Variants in HIRA observed in about 807,000 individuals in gnomAD.
HIRA encodes protein HIRA.
A neutral mutation model predicts 126.6 loss-of-function variants in HIRA; 13 were observed. The observed-to-expected ratio is 0.10, with a 90% CI of 0.07 to 0.16. HIRA has a LOEUF of 0.16. HIRA is among the 10% of genes least tolerant of loss of function. The pLI, the probability that HIRA is intolerant of heterozygous loss-of-function variation, is 1.00. For missense variants in HIRA, 834 were observed against 1,314.4 expected, an observed-to-expected ratio of 0.63 and a Z score of 5.65; for synonymous variants, 511 against 520.0, an observed-to-expected ratio of 0.98 and a Z score of 0.24.
At chr22:19,399,553 C>T (rs980094530) in intron 5 of HIRA, among the ~76,000 whole-genome samples, 4 of 152,122 alleles carry the variant, frequency 2.6e-5, no homozygotes, top group Non-Finnish European at 4.4e-5. Context: ...ATTTGTCACT[C>T]TCCATACTCC....
At chr22:19,344,597 C>A (rs1556008387) in intron 24 of HIRA, among the ~76,000 whole-genome samples, 1 of 152,144 alleles carries the variant, frequency 6.6e-6, no homozygotes, top group African/African-American at 2.4e-5. Flanking sequence ...AACACCAATC[C>A]TCCTTCCAAA....
intron 15 of HIRA, among the ~76,000 whole-genome samples, chr22:19,370,727 G>T (rs971941067): frequency 5.9e-5 from 9 of 152,160 alleles, no homozygotes; most frequent in Admixed American, 5.9e-4. Context: ...TCAGCACCAG[G>T]CTCCTAGAAG....
intron 11 of HIRA, 129 bp from the exon 12 acceptor site, chr22:19,385,865 C>T (rs372877852): frequency 1.3e-6 from 1 of 745,770 alleles, no homozygotes. Flanking sequence ...GCCAACTCCC[C>T]ATCGCCTCCC....
chr22:19,336,409 T>C (rs2088567780), intron 24 of HIRA, among the ~76,000 whole-genome samples: 1 of 152,172 alleles, frequency 6.6e-6, no homozygotes, highest in African/African-American at 2.4e-5. Context: ...AAAAGTGCCA[T>C]CTCCTGGCTG....
At chr22:19,419,890 CATCTGCTGCTGTT>C (rs1233010235) in intron 1 of HIRA, among the ~76,000 whole-genome samples, 2 of 152,212 alleles carry the variant, frequency 1.3e-5, no homozygotes, top group African/African-American at 4.8e-5. Flanking sequence ...GGTTCACAGC[CATCTGCTGCTGTT>C]ATCTCTACCA....
chr22:19,411,650 T>G (rs921211638), intron 1 of HIRA, among the ~76,000 whole-genome samples: 1 of 152,246 alleles, frequency 6.6e-6, no homozygotes, highest in African/African-American at 2.4e-5. Context: ...TATTTGTTCA[T>G]TGACAAAGGA....
intron 20 of HIRA, 103 bp downstream of exon 20, chr22:19,356,127 T>A: frequency 1.8e-6 from 2 of 1,123,988 alleles, no homozygotes; most frequent in Non-Finnish European, 2.7e-6. Context: ...CTGAGAGCCC[T>A]GGGCTGAGGC....
chr22:19,353,779 G>A (rs782182789), intron 22 of HIRA, among the ~76,000 whole-genome samples: 5 of 152,224 alleles, frequency 3.3e-5, no homozygotes, highest in Non-Finnish European at 7.3e-5. Context: ...CAGGGCCAGT[G>A]ATTGCTGCCC....
At chr22:19,345,592 C>T (rs2088677759) in intron 24 of HIRA, among the ~76,000 whole-genome samples, 1 of 152,190 alleles carries the variant, frequency 6.6e-6, no homozygotes, top group South Asian at 2.1e-4. Context: ...TGTTCCACCT[C>T]AGATCATCAG....
intron 3 of HIRA, among the ~76,000 whole-genome samples, chr22:19,408,152 T>A (rs1007076053): frequency 3.9e-5 from 6 of 152,166 alleles, no homozygotes; most frequent in African/African-American, 1.4e-4. Flanking sequence ...CAACCTGAGA[T>A]GTTTTGGCAA....
rs145203796 is a variant in HIRA at position 19,422,257 on chromosome 22, T to C, written c.37+9183A>G. ...CATATAAACACATATATACATGTAA[T>C]GTATTACATAAACACACACACACAC... On this transcript the variant is annotated intron_variant, in intron 1 of 24. Transcript: ENST00000263208. Among the ~76,000 whole-genome samples the C allele has an allele frequency of 5.2e-3, 784 of 150,852 alleles. 13 individuals are homozygous for C. Among genetic ancestry groups the C allele is most frequent in the African/African-American group, 0.019 (767 of 41,064 alleles).
In HIRA at chr22:19,343,580, G is replaced by A. The variant is rs117219313; in HGVS notation, c.2937+7778C>T. On this transcript the variant is annotated intron_variant, in intron 24 of 24. Coordinates refer to ENST00000263208, the MANE Select transcript of HIRA (RefSeq NM_003325.4). The stretch of plus-strand genomic sequence containing the variant: ...TCTGTCTCCAAAAATCTACAACATC[G>A]TGGAAGTTGGAAAACACACTGTTAT... Among the ~76,000 whole-genome samples the A allele has an allele frequency of 7.6e-3, 1,153 of 151,952 alleles. 27 individuals are homozygous for A. Among genetic ancestry groups the A allele is most frequent in the East Asian group, 0.068 (349 of 5,134 alleles).
At position 19,354,137 on chromosome 22, in the gene HIRA, G is replaced by C. The variant is rs945849317; in HGVS notation, c.2562-19C>G. The C allele has an allele frequency of 3.7e-6, 6 of 1,609,240 alleles. No homozygotes were observed. Among genetic ancestry groups the C allele is most frequent in the Non-Finnish European group, 5.1e-6 (6 of 1,177,398 alleles). ...CAGGTTCCTGGGGAGGCAAAGGCAGGAGCAGAGCTCAGGAAAACCAAGAGA... is the reference window on the plus strand; with the variant it reads ...CAGGTTCCTGGGGAGGCAAAGGCAGCAGCAGAGCTCAGGAAAACCAAGAGA... On this transcript the variant is annotated intron_variant, in intron 21 of 24. Coordinates refer to ENST00000263208, the MANE Select transcript of HIRA (RefSeq NM_003325.4).
intron 6 of HIRA, 148 bp from the exon 7 acceptor site, chr22:19,397,095 C>G: frequency 1.5e-6 from 1 of 676,382 alleles, no homozygotes; most frequent in Non-Finnish European, 2.5e-6. Context: ...AGGGCCTCCT[C>G]ATTTGATCTC....
chr22:19,352,076 C>T (rs540848532), intron 23 of HIRA, among the ~76,000 whole-genome samples: 3 of 151,936 alleles, frequency 2.0e-5, no homozygotes, highest in Non-Finnish European at 4.4e-5. Context: ...AAACTGGAAT[C>T]TGAGGAATTT....
At chr22:19,389,637 C>T (rs925517565) in intron 9 of HIRA, among the ~76,000 whole-genome samples, 4 of 152,096 alleles carry the variant, frequency 2.6e-5, no homozygotes, top group Non-Finnish European at 4.4e-5. Context: ...TGCCTTGTCC[C>T]TCCTCTCATA....
chr22:19,336,795 C>T (rs1556006037), intron 24 of HIRA, among the ~76,000 whole-genome samples: 2 of 152,186 alleles, frequency 1.3e-5, no homozygotes, highest in African/African-American at 4.8e-5. Flanking sequence ...CAATAATAAT[C>T]ACCGCAGTCT....
chr22:19,392,046 C>T, intron 9 of HIRA, 55 bp downstream of exon 9: 1 of 1,063,736 alleles, frequency 9.4e-7, no homozygotes. Flanking sequence ...CCACTTGCTA[C>T]TTTACCAACC....
Position 19,407,256 on chromosome 22 carries a change from C to T in HIRA, c.230G>A (p.Arg77Gln), listed in dbSNP as rs2089315424. ...DNHLACVNCV[R>Q]WSNSGMYLAS... Reference sequence around the variant, plus strand: ...TAAATACATCCCACTGTTTGACCACCGCACACAGTTCACACATGCTGGGAA... The same window carrying T: ...TAAATACATCCCACTGTTTGACCACTGCACACAGTTCACACATGCTGGGAA... Residue 77 changes from arginine (R) to glutamine (Q), a missense_variant, in exon 4 of 25, where the codon CGG becomes CAG. Arg to Gln is a conservative substitution (Grantham distance 43). Around this residue, in one of 5 missense-constraint regions of HIRA, gnomAD observed 102 missense variants for 191.4 expected, o/e 0.53. Transcript: ENST00000263208. The T allele has an allele frequency of 6.2e-7, 1 of 1,613,502 alleles. No homozygotes were observed.
Sources: gnomAD v4.1 joint callset for allele counts (sites outside exome capture counted in the v4.1 genomes callset) on GRCh38, gnomAD v4.1.1 for gene constraint, gnomAD v4.1.1 regional missense constraint, MANE v1.5 for transcripts, NCBI Gene and HGNC (gene_info 2026-07-23, HGNC 2026-07-21) for gene names.